The following GPAA1 variants were observed in gnomAD, a reference collection of about 807,000 sequenced individuals.
GPAA1 encodes the protein GPI-anchor transamidase component GPAA1.
GPAA1 carries 54 observed loss-of-function variants against 64.0 expected under a neutral mutation model. The ratio of observed to expected loss-of-function variants is 0.84; its 90% CI spans 0.68 to 1.06. The LOEUF (loss-of-function observed/expected upper bound fraction) is 1.06. GPAA1 is among the 50% of genes least tolerant of loss of function. The pLI, the probability that GPAA1 is intolerant of heterozygous loss-of-function variation, is 0.00. For missense variants in GPAA1, 780 were observed against 822.3 expected (o/e 0.95, Z 0.63); for synonymous variants, 393 against 377.3 (o/e 1.04, Z -0.48).
rs372939605 is a variant in GPAA1, at chr8:144,085,134, C to G, written c.1256C>G (p.Ser419Ter). The change falls in exon 9 of 12, where the codon TCA becomes TGA. Residue 419 changes from serine to a stop codon, truncating the protein, a stop_gained. Transcript: ENST00000355091. LOFTEE classifies it high-confidence loss of function. ...APGPSVPLPP[S>*]QGVGLASLVA... ...GGCCCCAGTGTACCCCTTCCCCCAT[C>G]ACAGGTGATGGCACCCCCTTCTGTT... is the stretch of plus-strand genomic sequence containing the variant. 7.7e-6 allele frequency: 12 copies of G among 1,565,282 alleles called. No individual in the cohort carries two copies. The African/African-American group carries it at 1.4e-4, about 18-fold the overall frequency.
At position 144,084,500 on chromosome 8, in the gene GPAA1, C is replaced by T. The variant is rs1212219142; in HGVS notation, c.901C>T (p.Arg301Cys). 10 of 1,613,318 alleles carry T rather than the reference C, an allele frequency of 6.2e-6. No individual in the cohort carries two copies. The highest frequency in any genetic ancestry group is 1.3e-5 in the African/African-American group (1 of 74,936). Residue 301 changes from arginine (R) to cysteine (C), a missense_variant, in exon 7 of 12, where the codon CGC becomes TGC. Arg to Cys is a radical substitution (Grantham distance 180, BLOSUM62 -3). Transcript: ENST00000355091. ...LLMVLRQASG[R>C]PHGSHGLFLR... ...CATGGTTCTGCGGCAGGCCTCCGGC[C>T]GCCCCCACGGCTCCCATGGCCTCTT...
At chr8:144,085,165 A>C (rs781860785) in intron 9 of GPAA1, 27 bp downstream of exon 9, 3 of 1,499,142 alleles carry the variant, frequency 2.0e-6, no homozygotes, top group Non-Finnish European at 2.7e-6. Flanking sequence ...CTGTTGTTGG[A>C]ATGGGCTTCT....
intron 1 of GPAA1, 130 bp downstream of exon 1, chr8:144,082,934 C>T: frequency 1.1e-6 from 1 of 898,170 alleles, no homozygotes; most frequent in South Asian, 2.0e-5. Context: ...CGCGCCCTTC[C>T]GCTCCTGCCC....
At position 144,084,811 on chromosome 8, in the gene GPAA1, G is replaced by A. The variant is rs1554764111; in HGVS notation, c.1100G>A (p.Arg367His). The change falls in exon 8 of 12, where the codon CGC (arginine) becomes CAC (histidine). Residue 367 changes from arginine (R) to histidine (H), a missense_variant. By Grantham distance (29) the Arg-to-His change is conservative. Transcript: ENST00000355091. ...CTCTACTTGCTCCCCGGCCTCTCCC[G>A]CTTCGTCTCCATCGGCCTCTACATG... ...FFLYLLPGLS[R>H]FVSIGLYMPA... is the part of the protein sequence containing the mutation. 12 of 1,613,436 alleles carry A rather than the reference G, an allele frequency of 7.4e-6. No individual in the cohort carries two copies. Among genetic ancestry groups the A allele is most frequent in the Admixed American group, 1.7e-5 (1 of 60,006 alleles).
At chr8:144,082,890 GGCCGCTCCAGCTGCTCGC>G in intron 1 of GPAA1, 86 bp downstream of exon 1, 1 of 1,130,476 alleles carries the variant, frequency 8.8e-7, no homozygotes, top group Non-Finnish European at 1.2e-6. Flanking sequence ...CGAGGGCCGG[GGCCGCTCCAGCTGCTCGC>G]GCCCCTCCGG....
chr8:144,085,798 C>CA, intron 11 of GPAA1, 55 bp downstream of exon 11: 1 of 1,600,794 alleles, frequency 6.2e-7, no homozygotes, highest in Non-Finnish European at 8.5e-7. Context: ...TCACAGACCG[C>CA]ACCCTCATTC....
chr8:144,085,563 T>G lies in GPAA1; in HGVS notation c.1452-10T>G, dbSNP rs781946943. 6 of 1,611,602 alleles carry G rather than the reference T, an allele frequency of 3.7e-6. No homozygotes were observed. The highest frequency in any genetic ancestry group is 4.2e-6 in the Non-Finnish European group (5 of 1,178,662). ...GCTTGTGGGTTGCCTCTGAGTCCTT[T>G]GTCTTACAGGGTGGTAAGCACACAG... On this transcript the variant is annotated splice_polypyrimidine_tract_variant and intron_variant, in intron 10 of 11. Coordinates refer to ENST00000355091, the MANE Select transcript of GPAA1 (RefSeq NM_003801.4).
rs977014796 is a variant in GPAA1, at chr8:144,082,645, C to T, written c.-86C>T. 2.0e-6 allele frequency: 2 copies of T among 994,570 alleles called. No homozygotes were observed. Among genetic ancestry groups the T allele is most frequent in the Non-Finnish European group, 2.7e-6 (2 of 740,126 alleles). The allele number at this position is 994,570 out of a possible 1,614,324, so 61.6% of individuals were successfully genotyped here. A position where few individuals can be genotyped will look rare whatever the true frequency, so the allele number is the denominator to read the frequency against. ...CCGGAAGTGCGGGCGAGCGCGGGTC[C>T]CCGGGTCTGACAGGAGCAGCCTGTG... On this transcript the variant is annotated 5_prime_UTR_variant, in exon 1 of 12. Transcript: ENST00000355091.
rs1554764116 is a variant in GPAA1, at chr8:144,084,833, C to T, written c.1122C>T (p.Tyr374=). ...GLSRFVSIGL[Y]MPAVGFLLLV... is the part of the protein sequence containing the mutation. ...CCCGCTTCGTCTCCATCGGCCTCTACATGCCCGCTGTCGGCTTCTTGCTCC... is the reference window on the plus strand; with the variant it reads ...CCCGCTTCGTCTCCATCGGCCTCTATATGCCCGCTGTCGGCTTCTTGCTCC... The change falls in exon 8 of 12, where the codon TAC becomes TAT. Residue 374 remains tyrosine (Y), a synonymous_variant. Transcript: ENST00000355091. The T allele has an allele frequency of 6.2e-7, 1 of 1,613,714 alleles. No homozygotes were observed. The highest frequency in any genetic ancestry group is 1.7e-5 in the Admixed American group (1 of 60,030).
chr8:144,086,058 T>C lies in GPAA1; in HGVS notation c.1799T>C (p.Phe600Ser). The part of the protein sequence containing the change: ...LEHHTYGALL[F>S]PLLSLGLYPC... ...CACCACACCTACGGCGCCCTGCTCT[T>C]CCCACTGCTGTCCCTGGGCCTCTAC... Residue 600 changes from phenylalanine to serine, a missense_variant, in exon 12 of 12, where the codon TTC (phenylalanine) becomes TCC (serine). Physicochemically the swap from Phe to Ser is radical, Grantham distance 155. Coordinates refer to ENST00000355091, the MANE Select transcript of GPAA1 (RefSeq NM_003801.4). 1 of 1,613,402 alleles carries C rather than the reference T, an allele frequency of 6.2e-7. No homozygotes were observed. The highest frequency in any genetic ancestry group is 8.5e-7 in the Non-Finnish European group (1 of 1,179,936).
chr8:144,083,575 CGGGGGT>C, intron 3 of GPAA1, 75 bp downstream of exon 3: 1 of 1,427,840 alleles, frequency 7.0e-7, no homozygotes, highest in Middle Eastern at 1.8e-4. Context: ...TATCACCTTG[CGGGGGT>C]GTCATGGGGC....
At chr8:144,083,029 AC>A in intron 1 of GPAA1, 94 bp from the exon 2 acceptor site, 4 of 1,205,560 alleles carry the variant, frequency 3.3e-6, no homozygotes, top group Non-Finnish European at 4.7e-6. Flanking sequence ...GGTCTCCCAG[AC>A]CCGCGCGATC....
At chr8:144,085,764 CTT>C in intron 11 of GPAA1, 21 bp downstream of exon 11, 2 of 1,609,950 alleles carry the variant, frequency 1.2e-6, no homozygotes, top group Non-Finnish European at 1.7e-6. Flanking sequence ...ATCAGCCCCA[CTT>C]CCCCCAATGC....
chr8:144,083,516 G>C lies in GPAA1; in HGVS notation c.366+16G>C. 1 of 1,585,384 alleles carries C rather than the reference G, an allele frequency of 6.3e-7. No homozygotes were observed. The highest frequency in any genetic ancestry group is 2.2e-5 in the East Asian group (1 of 44,762). ...CGAGCGCTATGTACTGGGGGAGTGG[G>C]GTGTGCCTGGGCCCAGAAAGCACCT... On this transcript the variant is annotated intron_variant, in intron 3 of 11. Transcript: ENST00000355091.
chr8:144,084,993 C>G, intron 8 of GPAA1, 50 bp from the exon 9 acceptor site: 1 of 1,572,754 alleles, frequency 6.4e-7, no homozygotes, highest in Non-Finnish European at 8.7e-7. Flanking sequence ...CTGGGTCCCC[C>G]TCTGGGCAGA....
At chr8:144,084,934 C>A in intron 8 of GPAA1, 59 bp downstream of exon 8, 1 of 1,578,562 alleles carries the variant, frequency 6.3e-7, no homozygotes, top group South Asian at 1.1e-5. Context: ...CAACTCTAGG[C>A]TGGGGAGAGT....
chr8:144,085,388 C>G lies in GPAA1; in HGVS notation c.1360C>G (p.Gln454Glu). 1 of 1,607,816 alleles carries G rather than the reference C, an allele frequency of 6.2e-7. No homozygotes were observed. Among genetic ancestry groups the G allele is most frequent in the South Asian group, 1.1e-5 (1 of 91,066 alleles). ...LPVLGQHVAT[Q>E]HFPVAEAEAV... ...AGTGCTGGGCCAACACGTTGCCACC[C>G]AGCACTTCCCAGTGGCAGAGGCTGA... The change falls in exon 10 of 12, where the codon CAG becomes GAG. Residue 454 changes from glutamine to glutamate, a missense_variant. Gln to Glu is a conservative substitution (Grantham distance 29). Coordinates refer to ENST00000355091, the MANE Select transcript of GPAA1 (RefSeq NM_003801.4).
chr8:144,086,196 G>T lies in GPAA1; in HGVS notation c.*71G>T. The T allele has an allele frequency of 6.6e-7, 1 of 1,517,980 alleles. No individual in the cohort carries two copies. Among genetic ancestry groups the T allele is most frequent in the South Asian group, 1.2e-5 (1 of 86,076 alleles). 94.0% of individuals were successfully genotyped at this position (1,517,980 alleles called of 1,614,324 possible). On this transcript the variant is annotated 3_prime_UTR_variant, in exon 12 of 12. Transcript: ENST00000355091. ...TCTGCCTCCTTCTGGGGAAATAAAT[G>T]AGTGTCTGTTTCAGCAGCTATTTGA...
In GPAA1 at chr8:144,083,273, G is replaced by T. The variant is rs202243892; in HGVS notation, c.224G>T (p.Arg75Leu). The T allele has an allele frequency of 4.4e-6, 7 of 1,603,236 alleles. No individual in the cohort carries two copies. In the East Asian group the frequency reaches 1.6e-4, roughly 36 times the overall value. Residue 75 changes from arginine to leucine, a missense_variant, in exon 2 of 12, where the codon CGG becomes CTG. By Grantham distance (102) the Arg-to-Leu change is moderately radical. Coordinates refer to ENST00000355091, the MANE Select transcript of GPAA1 (RefSeq NM_003801.4). ...GGAGACCGTGCCCGGGCTTTTGCCC[G>T]GGACTTCGCCGCCCACCGCAAGAAG... Reference protein sequence around the residue: ...AGGDRARAFARDFAAHRKKSG... With the variant: ...AGGDRARAFALDFAAHRKKSG...
Sources: allele counts gnomAD v4.1 joint callset, GRCh38; gene constraint gnomAD v4.1.1; transcripts MANE v1.5; gene names NCBI Gene and HGNC (gene_info 2026-07-23, HGNC 2026-07-21).